Variants in MRPL2 observed in about 807,000 individuals in gnomAD.
MRPL2 encodes the protein mitochondrial ribosomal protein L2.
A neutral mutation model predicts 34.6 loss-of-function variants in MRPL2; 27 were observed. The ratio of observed to expected loss-of-function variants is 0.78; its 90% confidence interval spans 0.58 to 1.08. The LOEUF is 1.08. MRPL2 is among the 50% of genes least tolerant of loss of function. The probability of loss-of-function intolerance (pLI) is 0.00; values close to 1 mark genes in which losing one functional copy is unlikely to be tolerated. For missense variants in MRPL2, 414 were observed against 419.3 expected (o/e 0.99, Z 0.11); for synonymous variants, 155 against 158.0 (o/e 0.98, Z 0.14).
Position 43,059,417 on chromosome 6 carries a change from G to A in MRPL2, c.-36C>T, listed in dbSNP as rs367764749. The A allele has an allele frequency of 1.3e-5, 20 of 1,513,056 alleles. No individual in the cohort carries two copies. Among genetic ancestry groups the A allele is most frequent in the Admixed American group, 6.3e-5 (3 of 47,464 alleles). 93.7% of individuals were successfully genotyped at this position (1,513,056 alleles called of 1,614,324 possible). On this transcript the variant is annotated 5_prime_UTR_variant, in exon 1 of 7. Transcript: ENST00000388752. ...CCCTTACTTTTAGCCAAGCTGCTCG[G>A]TGCTCCTAGATGACGTTGACTGTCC... is the stretch of plus-strand genomic sequence containing the variant.
At chr6:43,059,092 T>C in intron 1 of MRPL2, 194 bp downstream of exon 1, 1 of 1,508,742 alleles carries the variant, frequency 6.6e-7, no homozygotes, top group Non-Finnish European at 8.9e-7. Context: ...ACCTTAAGTA[T>C]CTCGTCTGAA....
chr6:43,056,824 A>G (rs1041082503), intron 2 of MRPL2, among the ~76,000 whole-genome samples: 1 of 151,882 alleles, frequency 6.6e-6, no homozygotes, highest in South Asian at 2.1e-4. Context: ...ACAGGTGCCC[A>G]CCACCACGCC....
At chr6:43,059,119 GA>G in intron 1 of MRPL2, 166 bp downstream of exon 1, 1 of 1,536,680 alleles carries the variant, frequency 6.5e-7, no homozygotes, top group South Asian at 1.2e-5. Flanking sequence ...CGCCCTATGA[GA>G]AAGCAACACT....
rs761419899 is a variant in MRPL2, at chr6:43,059,329, G to A, written c.53C>T (p.Pro18Leu). ...ACTCGGGGCAGGGGCGGCGACGGTC[G>A]GGGGCGCCAGGTTCAGAGAGCGCAG... Reference protein sequence around the residue: ...RALRSLNLAPPTVAAPAPSLF... With the variant: ...RALRSLNLAPLTVAAPAPSLF... Residue 18 changes from proline to leucine, a missense_variant, in exon 1 of 7, where the codon CCG (proline) becomes CTG (leucine). Physicochemically the swap from Pro to Leu is moderately conservative, Grantham distance 98. Coordinates refer to ENST00000388752, the MANE Select transcript of MRPL2 (RefSeq NM_015950.5). 6.4e-6 allele frequency: 10 copies of A among 1,552,000 alleles called. No individual in the cohort carries two copies. In the South Asian group the frequency reaches 1.2e-4, roughly 18 times the overall value.
intron 2 of MRPL2, 44 bp from the exon 3 acceptor site, chr6:43,056,489 G>A (rs970832829): frequency 6.2e-7 from 1 of 1,611,890 alleles, no homozygotes; most frequent in Admixed American, 1.7e-5. Context: ...GGTCAGAGTA[G>A]TTTAGTTTCC....
upstream of MRPL2, chr6:43,059,658 G>C (rs1487211785): frequency 7.4e-7 from 1 of 1,355,556 alleles, no homozygotes; most frequent in East Asian, 2.8e-5. Context: ...GTACCGGCAA[G>C]AGCGGCAGCC....
intron 6 of MRPL2, among the ~76,000 whole-genome samples, chr6:43,055,246 C>G (rs753145025): frequency 6.6e-6 from 1 of 152,100 alleles, no homozygotes; most frequent in African/African-American, 2.4e-5. Context: ...CCTGCAATCC[C>G]AGCTACTCGG....
At position 43,056,167 on chromosome 6, in the gene MRPL2, C is replaced by T. The variant is rs1374862516; in HGVS notation, c.434G>A (p.Gly145Asp). 6.2e-7 allele frequency: 1 copy of T among 1,614,134 alleles called. No homozygotes were observed. Among genetic ancestry groups the T allele is most frequent in the Non-Finnish European group, 8.5e-7 (1 of 1,180,016 alleles). The change falls in exon 4 of 7, where the codon GGC becomes GAC. Residue 145 changes from glycine (G) to aspartate (D), a missense_variant. By Grantham distance (94) the Gly-to-Asp change is moderately conservative. Transcript: ENST00000388752. ...RSADIALVAG[G>D]SRKRWIIATE... ...GGCGATGATCCAGCGTTTCCGGCTGCCCCCAGCAACCAGAGCTATGTCTGC... is the reference window on the plus strand; with the variant it reads ...GGCGATGATCCAGCGTTTCCGGCTGTCCCCAGCAACCAGAGCTATGTCTGC...
At chr6:43,059,436 A>G, upstream of MRPL2, 1 of 1,489,866 alleles carries the variant, frequency 6.7e-7, no homozygotes, top group Non-Finnish European at 9.0e-7. Flanking sequence ...GATGACGTTG[A>G]CTGTCCGGCG....
rs924426268 is a variant in MRPL2 at position 43,057,963 on chromosome 6, C to T, written c.265+102G>A. 10 of 1,354,434 alleles carry T rather than the reference C, an allele frequency of 7.4e-6. No homozygotes were observed. The African/African-American group carries it at 1.5e-4, about 20-fold the overall frequency. 83.9% of individuals were successfully genotyped at this position (1,354,434 alleles called of 1,614,324 possible). On this transcript the variant is annotated intron_variant, in intron 2 of 6. Coordinates refer to ENST00000388752, the MANE Select transcript of MRPL2 (RefSeq NM_015950.5). ...GAGCCAAATAAGTGCTTTTTAATTA[C>T]ATTCCTCTGCCTTACAAGGTACAAG...
chr6:43,055,324 A>G (rs1581982442), intron 6 of MRPL2, among the ~76,000 whole-genome samples: 1 of 151,566 alleles, frequency 6.6e-6, no homozygotes, highest in South Asian at 2.1e-4. Flanking sequence ...GTGCCATTGC[A>G]CTCCAGCCTG....
intron 6 of MRPL2, among the ~76,000 whole-genome samples, chr6:43,054,904 CCT>C (rs1257955460): frequency 7.9e-5 from 12 of 151,982 alleles, no homozygotes; most frequent in Admixed American, 3.9e-4. Flanking sequence ...GTGGTGATAC[CCT>C]GTCTCTACAA....
At chr6:43,057,062 A>G (rs545641009) in intron 2 of MRPL2, among the ~76,000 whole-genome samples, 15 of 149,860 alleles carry the variant, frequency 1.0e-4, no homozygotes, top group Non-Finnish European at 2.1e-4. Context: ...AATTTTTTGC[A>G]TGTGTGTGAT....
intron 2 of MRPL2, chr6:43,057,812 G>A (rs1220780327): frequency 6.6e-6 from 3 of 453,762 alleles, no homozygotes; most frequent in African/African-American, 4.0e-5. Flanking sequence ...GAAGGAAAAT[G>A]TCATGGCACT....
Position 43,056,457 on chromosome 6 carries a change from G to A in MRPL2, c.266-12C>T, listed in dbSNP as rs376287172. The stretch of plus-strand genomic sequence containing the variant: ...CACCCGGATTCGGCCTGTGGTTTAG[G>A]ACAGTTGGGGGATATGATTCAGGTC... On this transcript the variant is annotated splice_polypyrimidine_tract_variant and intron_variant, in intron 2 of 6. Coordinates refer to ENST00000388752, the MANE Select transcript of MRPL2 (RefSeq NM_015950.5). The A allele has an allele frequency of 6.2e-7, 1 of 1,614,094 alleles. No individual in the cohort carries two copies. The highest frequency in any genetic ancestry group is 1.1e-5 in the South Asian group (1 of 91,084).
intron 2 of MRPL2, among the ~76,000 whole-genome samples, chr6:43,057,312 CTGGGA>C (rs1192494743): frequency 9.9e-5 from 15 of 151,686 alleles, no homozygotes; most frequent in African/African-American, 3.6e-4. Flanking sequence ...TCCTGAGTAG[CTGGGA>C]TTACAGGTGC....
upstream of MRPL2, chr6:43,059,602 C>A: frequency 7.1e-7 from 1 of 1,402,862 alleles, no homozygotes; most frequent in Non-Finnish European, 9.2e-7. Context: ...CCAGACCCGT[C>A]AAAACAATTG....
chr6:43,059,231 C>A, intron 1 of MRPL2, 55 bp downstream of exon 1: 1 of 1,551,068 alleles, frequency 6.4e-7, no homozygotes. Flanking sequence ...GCCCGCAGAC[C>A]CCATCTCCGG....
In MRPL2 at chr6:43,059,269, C is replaced by G; in HGVS notation, c.96+17G>C. 1 of 1,551,332 alleles carries G rather than the reference C, an allele frequency of 6.4e-7. No homozygotes were observed. Among genetic ancestry groups the G allele is most frequent in the Non-Finnish European group, 8.7e-7 (1 of 1,147,038 alleles). ...GCCCGAATGGAAGCAGCCTTCTTCC[C>G]GGGTAAGATGGATTACCTGGGCGGC... is the stretch of plus-strand genomic sequence containing the variant. On this transcript the variant is annotated intron_variant, in intron 1 of 6. Coordinates refer to ENST00000388752, the MANE Select transcript of MRPL2 (RefSeq NM_015950.5).
Sources: allele counts gnomAD v4.1 joint callset (sites outside exome capture counted in the v4.1 genomes callset), GRCh38; gene constraint gnomAD v4.1.1; transcripts MANE v1.5; gene names NCBI Gene and HGNC (gene_info 2026-07-23, HGNC 2026-07-21).